XRCC6: variants seen among roughly 807,000 people sequenced by gnomAD.
XRCC6 encodes DNA repair protein Ku70.
Under a neutral mutation model 65.7 loss-of-function variants are expected in XRCC6, and 5 were observed. The ratio of observed to expected loss-of-function variants is 0.08; its 90% CI spans 0.04 to 0.16. The LOEUF (loss-of-function observed/expected upper bound fraction) is 0.16. Among genes scored for constraint, XRCC6 ranks in the 10% least tolerant of loss-of-function variants. XRCC6 has a pLI of 1.00. For synonymous variants in XRCC6, 270 were observed against 270.6 expected (o/e 1.00, Z 0.02); for missense variants, 447 against 738.1 (o/e 0.61, Z 4.57).
chr22:41,630,817 T>G (rs2067734366), intron 3 of XRCC6, among the ~76,000 whole-genome samples: 1 of 152,150 alleles, frequency 6.6e-6, no homozygotes, highest in Admixed American at 6.6e-5. Context: ...GGCAGAAGAA[T>G]TTTTCTTAGT....
intron 3 of XRCC6, among the ~76,000 whole-genome samples, chr22:41,628,989 A>AAG (rs2067710487): frequency 6.7e-6 from 1 of 150,022 alleles, no homozygotes. Flanking sequence ...AAAAAAAAAA[A>AAG]CAATTCTCCA....
intron 9 of XRCC6, among the ~76,000 whole-genome samples, chr22:41,655,593 T>G (rs2068037301): frequency 6.6e-6 from 1 of 151,906 alleles, no homozygotes; most frequent in Admixed American, 6.6e-5. Flanking sequence ...TCCCAGCTAC[T>G]TGGGAGGCTG....
intron 8 of XRCC6, among the ~76,000 whole-genome samples, chr22:41,651,747 C>G (rs188970748): frequency 6.6e-6 from 1 of 151,518 alleles, no homozygotes; most frequent in Non-Finnish European, 1.5e-5. Context: ...AGTCTGGTCT[C>G]GAACTCCTGA....
chr22:41,648,065 C>T (rs531731079), intron 7 of XRCC6: 4 of 112,768 alleles, frequency 3.5e-5, no homozygotes, highest in African/African-American at 1.5e-4. Context: ...CCCTCCTCTC[C>T]CCTCCTCTCT....
At chr22:41,659,818 G>T (rs370132005) in intron 11 of XRCC6, among the ~76,000 whole-genome samples, 3 of 151,998 alleles carry the variant, frequency 2.0e-5, no homozygotes, top group Admixed American at 2.0e-4. Flanking sequence ...CCGAGTAGCT[G>T]GGATTACAGG....
chr22:41,636,194 G>A lies in XRCC6; in HGVS notation c.277G>A (p.Asp93Asn). 1 of 1,607,732 alleles carries A rather than the reference G, an allele frequency of 6.2e-7. No individual in the cohort carries two copies. The highest frequency in any genetic ancestry group is 1.7e-5 in the Admixed American group (1 of 57,950). ...LAVVFYGTEK[D>N]KNSVNFKNIY... Reference sequence around the variant, plus strand: ...TGTGGTGTTCTATGGTACCGAGAAAGACAAAAATTCAGTGAATTTTAAAAA... The same window carrying A: ...TGTGGTGTTCTATGGTACCGAGAAAAACAAAAATTCAGTGAATTTTAAAAA... Residue 93 changes from aspartate to asparagine, a missense_variant, in exon 4 of 13, where the codon GAC (aspartate) becomes AAC (asparagine). Asp to Asn is a conservative substitution (Grantham distance 23). This residue lies in a region of XRCC6 where 228 missense variants were observed against 307.4 expected (regional missense o/e 0.74). Coordinates refer to ENST00000360079, the MANE Select transcript of XRCC6 (RefSeq NM_001469.5).
chr22:41,651,833 G>C (rs554781021), intron 8 of XRCC6, among the ~76,000 whole-genome samples: 1 of 151,834 alleles, frequency 6.6e-6, no homozygotes, highest in South Asian at 2.1e-4. Flanking sequence ...GCCTAGGCTG[G>C]AGTGAAGTGG....
intron 11 of XRCC6, among the ~76,000 whole-genome samples, chr22:41,658,572 C>T (rs1417220831): frequency 6.6e-6 from 1 of 152,176 alleles, no homozygotes; most frequent in Non-Finnish European, 1.5e-5. Flanking sequence ...CTTCTGAGAC[C>T]TGCCTCTGCA....
Position 41,658,218 on chromosome 22 carries a change from A to C in XRCC6, c.1422-34A>C, listed in dbSNP as rs113005024. ...TAATTTTTTCAATGTTTAAATTGTCATGTTTCAGTTGAGTTACATTATTGT... is the reference window on the plus strand; with the variant it reads ...TAATTTTTTCAATGTTTAAATTGTCCTGTTTCAGTTGAGTTACATTATTGT... On this transcript the variant is annotated intron_variant, in intron 10 of 12. Coordinates refer to ENST00000360079, the MANE Select transcript of XRCC6 (RefSeq NM_001469.5). 3.1e-6 allele frequency: 5 copies of C among 1,602,970 alleles called. 1 individual carries two copies. The African/African-American group carries it at 6.7e-5, about 21-fold the overall frequency.
At chr22:41,623,421 T>A (rs1371376446) in intron 2 of XRCC6, among the ~76,000 whole-genome samples, 4 of 152,086 alleles carry the variant, frequency 2.6e-5, no homozygotes, top group Non-Finnish European at 5.9e-5. Flanking sequence ...ACAGTCTTGC[T>A]CTGTCGCCCA....
chr22:41,626,031 C>G (rs13055759), intron 2 of XRCC6, among the ~76,000 whole-genome samples: 126,259 of 151,982 alleles, frequency 0.83, 53,403 homozygotes, highest in African/African-American at 0.95. Flanking sequence ...GTAGAGATGG[C>G]GTTTCACCAT....
chr22:41,637,577 C>T, intron 5 of XRCC6, 31 bp from the exon 6 acceptor site: 1 of 1,503,988 alleles, frequency 6.6e-7, no homozygotes. Flanking sequence ...ATTGTTTTTT[C>T]CTCCCTCACT....
At chr22:41,624,053 G>T (rs1424628575) in intron 2 of XRCC6, among the ~76,000 whole-genome samples, 4 of 152,040 alleles carry the variant, frequency 2.6e-5, no homozygotes. Flanking sequence ...CCATAATTTG[G>T]CCGGGTGTGG....
chr22:41,642,688 A>C (rs1476942208), intron 6 of XRCC6, among the ~76,000 whole-genome samples: 1 of 152,134 alleles, frequency 6.6e-6, no homozygotes, highest in African/African-American at 2.4e-5. Context: ...ACAATATTTA[A>C]ACTTACTGTA....
rs530971106 is a variant in XRCC6, at chr22:41,623,505, A to G, written c.82+1419A>G. On this transcript the variant is annotated intron_variant, in intron 2 of 12. Coordinates refer to ENST00000360079, the MANE Select transcript of XRCC6 (RefSeq NM_001469.5). ...CGGGTTCATGCCATTCTCCTGCCTC[A>G]GCCTCCCGAGTAGCTGGGACCATAG... Among the ~76,000 whole-genome samples, 10 of 151,350 alleles carry G rather than the reference A, an allele frequency of 6.6e-5. No homozygotes were observed. In the South Asian group the frequency reaches 1.5e-3, roughly 22 times the overall value.
intron 2 of XRCC6, among the ~76,000 whole-genome samples, chr22:41,623,888 A>C (rs1268348568): frequency 6.6e-6 from 1 of 151,748 alleles, no homozygotes; most frequent in African/African-American, 2.4e-5. Context: ...ACACTCGGCT[A>C]ATTTTTGTAT....
At chr22:41,660,628 C>A (rs2068090986) in intron 11 of XRCC6, among the ~76,000 whole-genome samples, 1 of 152,124 alleles carries the variant, frequency 6.6e-6, no homozygotes, top group Admixed American at 6.6e-5. Flanking sequence ...CTCCTTAACA[C>A]CCTACCTTCC....
At chr22:41,660,751 C>T (rs940199564) in intron 11 of XRCC6, among the ~76,000 whole-genome samples, 1 of 152,182 alleles carries the variant, frequency 6.6e-6, no homozygotes, top group Non-Finnish European at 1.5e-5. Context: ...TGTTGCCCAA[C>T]TCCACTGCAT....
At chr22:41,654,113 AGTCAGATTTGACTTTATCTTGT>A (rs1329833316) in intron 9 of XRCC6, among the ~76,000 whole-genome samples, 4 of 152,142 alleles carry the variant, frequency 2.6e-5, no homozygotes, top group African/African-American at 9.7e-5. Flanking sequence ...TGGATTTTAA[AGTCAGATTTGACTTTATCTTGT>A]GCTTATGTGT....
Sources: gnomAD v4.1 joint callset for allele counts (sites outside exome capture counted in the v4.1 genomes callset) on GRCh38, gnomAD v4.1.1 for gene constraint, gnomAD v4.1.1 regional missense constraint, MANE v1.5 for transcripts, NCBI Gene and HGNC (gene_info 2026-07-23, HGNC 2026-07-21) for gene names.